The following SLMAP variants were observed in gnomAD, a reference collection of about 807,000 sequenced individuals.
SLMAP encodes sarcolemma associated protein.
In SLMAP, 44 loss-of-function variants were observed where a neutral mutation model predicts 128.8. The observed-to-expected ratio is 0.34, with a 90% CI of 0.27 to 0.44. The LOEUF (loss-of-function observed/expected upper bound fraction) is 0.44, where lower values mean the gene tolerates loss of function less well. Ranked by LOEUF, SLMAP falls within the 20% of genes least tolerant of loss-of-function variation. The pLI, the probability that SLMAP is intolerant of heterozygous loss-of-function variation, is 1.00. For synonymous variants in SLMAP, 327 were observed against 348.8 expected (o/e 0.94, Z 0.70); for missense variants, 787 against 985.3 (o/e 0.80, Z 2.69).
At position 57,925,835 on chromosome 3, in the gene SLMAP, C is replaced by T; in HGVS notation, c.2446-10C>T. 2 of 1,543,206 alleles carry T rather than the reference C, an allele frequency of 1.3e-6. No homozygotes were observed. The highest frequency in any genetic ancestry group is 1.8e-6 in the Non-Finnish European group (2 of 1,139,978). On this transcript the variant is annotated splice_polypyrimidine_tract_variant and intron_variant, in intron 23 of 24. Transcript: ENST00000671191. ...CATAAAATGATTTTAATATGCCTTCCCTTCTTTAGCCTTCCATATTACAAC... is the reference window on the plus strand; with the variant it reads ...CATAAAATGATTTTAATATGCCTTCTCTTCTTTAGCCTTCCATATTACAAC...
chr3:57,865,493 T>C (rs1314419043), intron 13 of SLMAP, among the ~76,000 whole-genome samples: 1 of 152,146 alleles, frequency 6.6e-6, no homozygotes, highest in Non-Finnish European at 1.5e-5. Flanking sequence ...TCCCTTGTTA[T>C]ATGGAAATTT....
At chr3:57,922,538 C>T (rs567776923) in intron 22 of SLMAP, among the ~76,000 whole-genome samples, 1 of 149,700 alleles carries the variant, frequency 6.7e-6, no homozygotes, top group African/African-American at 2.5e-5. Context: ...AAGCGATTTT[C>T]CTGTCTCAGC....
intron 2 of SLMAP, among the ~76,000 whole-genome samples, chr3:57,795,180 A>G (rs1458946551): frequency 6.6e-6 from 1 of 152,224 alleles, no homozygotes; most frequent in Non-Finnish European, 1.5e-5. Context: ...ATAATTGAGC[A>G]TCATTTCATG....
At chr3:57,881,226 A>G (rs1575648644) in intron 14 of SLMAP, among the ~76,000 whole-genome samples, 1 of 152,076 alleles carries the variant, frequency 6.6e-6, no homozygotes, top group East Asian at 1.9e-4. Context: ...GAAGAAAGAA[A>G]GCCTTCTACT....
At chr3:57,872,447 C>T (rs2095504085) in intron 14 of SLMAP, among the ~76,000 whole-genome samples, 2 of 151,912 alleles carry the variant, frequency 1.3e-5, no homozygotes, top group Non-Finnish European at 2.9e-5. Context: ...GGTGAAATAC[C>T]GTCTCTACTA....
intron 23 of SLMAP, 120 bp from the exon 24 acceptor site, chr3:57,925,725 A>C: frequency 1.5e-6 from 1 of 676,782 alleles, no homozygotes; most frequent in East Asian, 2.7e-5. Flanking sequence ...GTAAAACCTG[A>C]GTGGTATACT....
intron 22 of SLMAP, 96 bp from the exon 23 acceptor site, chr3:57,922,793 T>A: frequency 8.9e-7 from 1 of 1,126,066 alleles, no homozygotes; most frequent in South Asian, 1.5e-5. Flanking sequence ...GTGTTCCAGG[T>A]GACTAAATAG....
At chr3:57,808,987 T>C (rs1368201195) in intron 2 of SLMAP, among the ~76,000 whole-genome samples, 3 of 152,236 alleles carry the variant, frequency 2.0e-5, no homozygotes, top group Non-Finnish European at 2.9e-5. Context: ...TCTTGTTGAA[T>C]TGATCCCTCT....
chr3:57,906,310 C>CTTTTTCTTTTTTTTTTTTTTTTTT (rs2096549127), intron 17 of SLMAP, among the ~76,000 whole-genome samples: 2 of 47,048 alleles, frequency 4.3e-5, no homozygotes, highest in African/African-American at 7.1e-5. Flanking sequence ...CTTTTTTTTT[C>CTTTTTCTTTTTTTTTTTTTTTTTT]TTTTTTTTTT....
At chr3:57,868,898 ATT>A (rs1294661730) in intron 13 of SLMAP, among the ~76,000 whole-genome samples, 1 of 137,926 alleles carries the variant, frequency 7.3e-6, no homozygotes, top group South Asian at 2.1e-4. Context: ...TATTATATAT[ATT>A]ATATATGTGT....
chr3:57,774,469 A>G (rs1011379695), intron 2 of SLMAP, among the ~76,000 whole-genome samples: 1 of 151,728 alleles, frequency 6.6e-6, no homozygotes, highest in African/African-American at 2.4e-5. Context: ...TCATAGTGGT[A>G]TGTAGTCTTA....
chr3:57,781,045 T>C (rs1328190484), intron 2 of SLMAP, among the ~76,000 whole-genome samples: 1 of 151,730 alleles, frequency 6.6e-6, no homozygotes, highest in African/African-American at 2.4e-5. Flanking sequence ...TATATGCGCA[T>C]ATATATAAAA....
At chr3:57,796,397 G>A (rs1197946221) in intron 2 of SLMAP, among the ~76,000 whole-genome samples, 1 of 151,974 alleles carries the variant, frequency 6.6e-6, no homozygotes. Context: ...TTAAGAGCAT[G>A]GATCGTGGAG....
chr3:57,884,226 G>C (rs1159723863), intron 14 of SLMAP, among the ~76,000 whole-genome samples: 1 of 152,112 alleles, frequency 6.6e-6, no homozygotes, highest in Non-Finnish European at 1.5e-5. Context: ...ACCACACCAG[G>C]CTGATACTTT....
chr3:57,797,745 T>C (rs916803365), intron 2 of SLMAP, among the ~76,000 whole-genome samples: 19 of 152,236 alleles, frequency 1.2e-4, no homozygotes, highest in African/African-American at 3.9e-4. Flanking sequence ...AGTTATGTTA[T>C]TAAATAGTTA....
chr3:57,911,679 C>CT (rs2096702811), intron 19 of SLMAP, among the ~76,000 whole-genome samples: 1 of 151,846 alleles, frequency 6.6e-6, no homozygotes, highest in Non-Finnish European at 1.5e-5. Context: ...GGTGTACAGT[C>CT]CAGTAGAAAA....
chr3:57,916,156 CAA>C (rs75785421), intron 21 of SLMAP, among the ~76,000 whole-genome samples: 10 of 128,172 alleles, frequency 7.8e-5, no homozygotes, highest in Admixed American at 8.0e-5. Context: ...AACTCTGTCT[CAA>C]AAAAAAAAAA....
intron 22 of SLMAP, among the ~76,000 whole-genome samples, chr3:57,919,114 C>G (rs1044710238): frequency 1.3e-5 from 2 of 152,234 alleles, no homozygotes; most frequent in African/African-American, 4.8e-5. Context: ...GGCGCCGTGG[C>G]TCACGCCTGT....
intron 14 of SLMAP, among the ~76,000 whole-genome samples, chr3:57,885,771 C>CCTTTTT (rs2095866592): frequency 1.9e-5 from 1 of 53,574 alleles, no homozygotes; most frequent in African/African-American, 8.0e-5. Flanking sequence ...GTTTTTGGTT[C>CCTTTTT]TTTTTTTTTT....
Sources: allele counts gnomAD v4.1 joint callset (sites outside exome capture counted in the v4.1 genomes callset), GRCh38; gene constraint gnomAD v4.1.1; transcripts MANE v1.5; gene names NCBI Gene and HGNC (gene_info 2026-07-23, HGNC 2026-07-21).